PRG3: variants seen among roughly 807,000 people sequenced by gnomAD.
PRG3 encodes the protein proteoglycan 3, pro eosinophil major basic protein 2.
A neutral mutation model predicts 26.1 loss-of-function variants in PRG3; 25 were observed. The ratio of observed to expected loss-of-function variants is 0.96; its 90% CI spans 0.70 to 1.34. PRG3 has a LOEUF of 1.34. PRG3 is among the 40% of genes most tolerant of loss of function. The pLI, the probability that PRG3 is intolerant of heterozygous loss-of-function variation, is 0.00. For synonymous variants in PRG3, 111 were observed against 100.4 expected, an observed-to-expected ratio of 1.11 and a Z score of -0.63; for missense variants, 280 against 264.8, an observed-to-expected ratio of 1.06 and a Z score of -0.40.
Position 57,379,485 on chromosome 11 carries a change from A to G in PRG3, c.375+9T>C, listed in dbSNP as rs867528299. Reference sequence around the variant, plus strand: ...CCAGGTCCTCCGCAGTAGCCTCCCTACTACTTACCTGAGCTTCTGCAAAAG... The same window carrying G: ...CCAGGTCCTCCGCAGTAGCCTCCCTGCTACTTACCTGAGCTTCTGCAAAAG... On this transcript the variant is annotated intron_variant, in intron 3 of 5. Transcript: ENST00000287143. The G allele has an allele frequency of 1.9e-6, 3 of 1,599,016 alleles. No individual in the cohort carries two copies. Among genetic ancestry groups the G allele is most frequent in the Middle Eastern group, 1.7e-4 (1 of 5,986 alleles).
In PRG3 at chr11:57,379,537, C is replaced by T. The variant is rs779423526; in HGVS notation, c.332G>A (p.Arg111His). Residue 111 changes from arginine (R) to histidine (H), a missense_variant, in exon 3 of 6, where the codon CGC (arginine) becomes CAC (histidine). Physicochemically the swap from Arg to His is conservative, Grantham distance 29 (BLOSUM62 0). Transcript: ENST00000287143. ...TTTAGGAGTCCGCACCAATAGGTAGCGGCAGATCTTGCACCTTGGACTTCC... is the reference window on the plus strand; with the variant it reads ...TTTAGGAGTCCGCACCAATAGGTAGTGGCAGATCTTGCACCTTGGACTTCC... ...VQGSPRCKICRYLLVRTPKTF... is the reference protein window; with the variant it reads ...VQGSPRCKICHYLLVRTPKTF... The T allele has an allele frequency of 2.0e-5, 32 of 1,613,188 alleles. No individual in the cohort carries two copies. The highest frequency in any genetic ancestry group is 1.6e-4 in the Middle Eastern group (1 of 6,080).
chr11:57,380,616 AAGACGCATGAGGAGGGAAGGGAG>A lies in PRG3; in HGVS notation c.61+9_61+31del, dbSNP rs775695054. On this transcript the variant is annotated intron_variant, in intron 2 of 5. Transcript: ENST00000287143. ...AGTGTAGGAAAAAGGAAAAAAGGGA[AAGACGCATGAGGAGGGAAGGGAG>A]AGACTTACCCAGATGAAGAGCAGAA... 6.5e-7 allele frequency: 1 copy of A among 1,527,270 alleles called. No individual in the cohort carries two copies. Among genetic ancestry groups the A allele is most frequent in the Non-Finnish European group, 8.9e-7 (1 of 1,129,874 alleles). The allele number at this position is 1,527,270 out of a possible 1,614,324, so 94.6% of individuals were successfully genotyped here.
In PRG3 at chr11:57,380,765, T is replaced by G. The variant is rs1180455777; in HGVS notation, c.-57A>C. ...ACCGTCCTTCTTGGGGCTGTCTTTG[T>G]GTGTCTAGTATAGCCCCTGGCACAT... On this transcript the variant is annotated 5_prime_UTR_variant, in exon 2 of 6. Coordinates refer to ENST00000287143, the MANE Select transcript of PRG3 (RefSeq NM_006093.4). The G allele has an allele frequency of 7.8e-7, 1 of 1,287,248 alleles. No individual in the cohort carries two copies. The highest frequency in any genetic ancestry group is 1.1e-6 in the Non-Finnish European group (1 of 945,714). 79.7% of individuals were successfully genotyped at this position (1,287,248 alleles called of 1,614,324 possible). A position where few individuals can be genotyped will look rare whatever the true frequency, so the allele number is the denominator to read the frequency against.
intron 5 of PRG3, 106 bp downstream of exon 5, chr11:57,377,619 C>T (rs1054378301): frequency 1.7e-5 from 15 of 909,046 alleles, no homozygotes; most frequent in Non-Finnish European, 2.2e-5. Flanking sequence ...CTTCAGTCAG[C>T]GGGAGGGTCT....
At chr11:57,377,432 C>T (rs12796816) in intron 5 of PRG3, among the ~76,000 whole-genome samples, 70,872 of 151,972 alleles carry the variant, frequency 0.47, 18,460 homozygotes, top group East Asian at 0.8. Flanking sequence ...TCCACTTCCG[C>T]TACTCTCATT....
At chr11:57,377,460 G>A (rs975834356) in intron 5 of PRG3, among the ~76,000 whole-genome samples, 8 of 152,004 alleles carry the variant, frequency 5.3e-5, no homozygotes, top group East Asian at 1.9e-4. Flanking sequence ...CCTGTTGTTC[G>A]AATTTATTGC....
chr11:57,378,289 C>A (rs566658095), intron 4 of PRG3, among the ~76,000 whole-genome samples: 1 of 152,196 alleles, frequency 6.6e-6, no homozygotes, highest in African/African-American at 2.4e-5. Context: ...TCCAAGAAAC[C>A]TATTTAACTA....
At position 57,377,741 on chromosome 11, in the gene PRG3, C is replaced by T. The variant is rs1226175784; in HGVS notation, c.603G>A (p.Val201=). The change falls in exon 5 of 6, where the codon GTG becomes GTA. Residue 201 remains valine (V), a synonymous_variant. Coordinates refer to ENST00000287143, the MANE Select transcript of PRG3 (RefSeq NM_006093.4). ...CCCCCTCACCTTTGGTGCATAGGGC[C>T]ACACAGGAGCCTTGCCCATTCCCAG... The part of the protein sequence containing the change: ...GQPGNGQGSC[V]ALCTKGGYWR... 1 of 1,612,774 alleles carries T rather than the reference C, an allele frequency of 6.2e-7. No individual in the cohort carries two copies.
At chr11:57,379,854 C>T in intron 2 of PRG3, 47 bp from the exon 3 acceptor site, 3 of 1,528,840 alleles carry the variant, frequency 2.0e-6, no homozygotes. Flanking sequence ...CTTCCTAGTT[C>T]CAGCACCGTG....
intron 5 of PRG3, among the ~76,000 whole-genome samples, chr11:57,377,212 A>G (rs1238751324): frequency 6.6e-6 from 1 of 152,188 alleles, no homozygotes; most frequent in African/African-American, 2.4e-5. Context: ...TAGTAGAGAT[A>G]AACAACGTGC....
chr11:57,380,276 T>C (rs1312454719), intron 2 of PRG3, among the ~76,000 whole-genome samples: 1 of 152,024 alleles, frequency 6.6e-6, no homozygotes, highest in Non-Finnish European at 1.5e-5. Context: ...GGCATGTGCC[T>C]GTAGTCCCAG....
intron 4 of PRG3, among the ~76,000 whole-genome samples, chr11:57,378,219 T>C (rs1182797234): frequency 2.0e-5 from 3 of 152,146 alleles, no homozygotes; most frequent in East Asian, 3.9e-4. Context: ...TCACCCACAA[T>C]TCCAGAACCA....
rs549029187 is a variant in PRG3 at position 57,378,798 on chromosome 11, T to C, written c.390A>G (p.Arg130=). ...TAGAGACAAGGTTGCCTCCGTAGCA[T>C]CTGCTGCAGACATTCTGCAGACGGA... is the stretch of plus-strand genomic sequence containing the variant. ...TFAEAQNVCS[R]CYGGNLVSIH... The change falls in exon 4 of 6, where the codon AGA becomes AGG. Residue 130 remains arginine, a synonymous_variant. Transcript: ENST00000287143. The C allele has an allele frequency of 1.9e-6, 3 of 1,613,712 alleles. No homozygotes were observed. In the South Asian group the frequency reaches 3.3e-5, roughly 18 times the overall value.
rs763718299 is a variant in PRG3 at position 57,379,732 on chromosome 11, T to A, written c.137A>T (p.Gln46Leu). The change falls in exon 3 of 6, where the codon CAG becomes CTG. Residue 46 changes from glutamine to leucine, a missense_variant. Transcript: ENST00000287143. ...LGQDLDSSKE[Q>L]ERDLALTEEV... The stretch of plus-strand genomic sequence containing the variant: ...CTCCGTCAGAGCCAAGTCTCTCTCC[T>A]GCTCCTTTGAACTATCCAGATCCTG... The A allele has an allele frequency of 6.2e-7, 1 of 1,613,884 alleles. No individual in the cohort carries two copies. The highest frequency in any genetic ancestry group is 1.7e-5 in the Admixed American group (1 of 60,006).
At chr11:57,380,507 T>A in intron 2 of PRG3, 141 bp downstream of exon 2, 1 of 653,824 alleles carries the variant, frequency 1.5e-6, no homozygotes, top group Non-Finnish European at 2.6e-6. Context: ...CCAAGTGATA[T>A]CTTACCGGAG....
At chr11:57,377,921 C>A in intron 4 of PRG3, 85 bp from the exon 5 acceptor site, 3 of 1,151,362 alleles carry the variant, frequency 2.6e-6, no homozygotes, top group Non-Finnish European at 3.8e-6. Flanking sequence ...CTCTCACTGC[C>A]TACCTGGCCA....
At chr11:57,377,646 G>T in intron 5 of PRG3, 79 bp downstream of exon 5, 1 of 1,223,146 alleles carries the variant, frequency 8.2e-7, no homozygotes, top group Non-Finnish European at 1.2e-6. Flanking sequence ...GGGGAGGTGT[G>T]TTCAGGCAGC....
Position 57,376,804 on chromosome 11 carries a change from T to C in PRG3, c.*46A>G, listed in dbSNP as rs868046799. On this transcript the variant is annotated 3_prime_UTR_variant, in exon 6 of 6. Transcript: ENST00000287143. ...AGTCTGGATTTATGAGCAGGAGAGG[T>C]TGGGGGACGGGAGGGAGCTGCTGGC... 2 of 1,588,980 alleles carry C rather than the reference T, an allele frequency of 1.3e-6. No homozygotes were observed. The highest frequency in any genetic ancestry group is 1.7e-5 in the Admixed American group (1 of 59,878).
chr11:57,379,006 G>A (rs514861), intron 3 of PRG3, among the ~76,000 whole-genome samples, 194 bp from the exon 4 acceptor site: 146,513 of 152,314 alleles, frequency 0.96, 70,775 homozygotes, highest in Non-Finnish European at 1. Context: ...TATAACCACC[G>A]CTTATTGAGA....
Sources: allele counts gnomAD v4.1 joint callset (sites outside exome capture counted in the v4.1 genomes callset), GRCh38; gene constraint gnomAD v4.1.1; transcripts MANE v1.5; gene names NCBI Gene and HGNC (gene_info 2026-07-23, HGNC 2026-07-21).